The following RANBP2 variants were observed in gnomAD, a reference collection of about 807,000 sequenced individuals.
RANBP2 encodes the protein RAN binding protein 2.
A neutral mutation model predicts 303.6 loss-of-function variants in RANBP2; 57 were observed. The ratio of observed to expected loss-of-function variants is 0.19; its 90% CI spans 0.15 to 0.23. The LOEUF is 0.23. Among genes scored for constraint, RANBP2 ranks in the 10% least tolerant of loss-of-function variants. RANBP2 has a pLI of 1.00. For synonymous variants in RANBP2, 1,167 were observed against 1,301.5 expected, an observed-to-expected ratio of 0.90 and a Z score of 2.23; for missense variants, 3,138 against 3,780.8, an observed-to-expected ratio of 0.83 and a Z score of 4.46.
At chr2:108,937,868 C>T in the RANBP2 span, among the ~76,000 whole-genome samples, 8 of 152,278 alleles carry the variant, frequency 5.3e-5, no homozygotes, top group East Asian at 1.2e-3. Flanking sequence ...CCTGAGCCCT[C>T]GGGTGGGGCC....
the RANBP2 span, among the ~76,000 whole-genome samples, chr2:109,397,582 A>G: frequency 1.3e-5 from 2 of 152,194 alleles, no homozygotes; most frequent in Non-Finnish European, 2.9e-5. Context: ...TCCTCCAGGT[A>G]TAGGATCAGG....
At chr2:109,522,644 A>G in the RANBP2 span, among the ~76,000 whole-genome samples, 2 of 151,082 alleles carry the variant, frequency 1.3e-5, no homozygotes, top group Admixed American at 1.3e-4. Flanking sequence ...GAGCTCAAGC[A>G]ATCCTCCCGC....
the RANBP2 span, among the ~76,000 whole-genome samples, chr2:109,350,052 T>A: frequency 2.6e-5 from 4 of 152,150 alleles, no homozygotes; most frequent in African/African-American, 9.7e-5. Flanking sequence ...CTGCATCGGA[T>A]CACCAGGGGC....
chr2:108,883,803 C>G, the RANBP2 span: 2 of 152,280 alleles, frequency 1.3e-5, no homozygotes, highest in African/African-American at 4.8e-5. Context: ...TTCCCTAAAC[C>G]TCACTCCTCT....
chr2:109,508,711 T>G, the RANBP2 span, among the ~76,000 whole-genome samples: 2 of 151,834 alleles, frequency 1.3e-5, no homozygotes, highest in African/African-American at 4.8e-5. Context: ...CACCCCTCGA[T>G]GGCCTGGCTT....
chr2:109,216,311 C>T, the RANBP2 span, among the ~76,000 whole-genome samples: 1,114 of 152,344 alleles, frequency 7.3e-3, 10 homozygotes, highest in South Asian at 0.024. Context: ...AAATAGCATT[C>T]TCAGCTTAGT....
chr2:108,838,469 A>G, the RANBP2 span, among the ~76,000 whole-genome samples: 1 of 152,310 alleles, frequency 6.6e-6, no homozygotes, highest in South Asian at 2.1e-4. Flanking sequence ...AGCAATAAAT[A>G]TCTTTGTACA....
At chr2:109,353,338 C>T in the RANBP2 span, among the ~76,000 whole-genome samples, 4 of 152,258 alleles carry the variant, frequency 2.6e-5, no homozygotes, top group South Asian at 2.1e-4. Context: ...GCTCGACCCT[C>T]GTCCTCAGCA....
At chr2:109,740,233 T>G in the RANBP2 span, among the ~76,000 whole-genome samples, 30 of 151,944 alleles carry the variant, frequency 2.0e-4, no homozygotes, top group African/African-American at 7.3e-4. Flanking sequence ...ATGATCCGCC[T>G]GCCTCGGCCT....
the RANBP2 span, among the ~76,000 whole-genome samples, chr2:109,696,795 T>G: frequency 6.6e-6 from 1 of 152,172 alleles, no homozygotes; most frequent in African/African-American, 2.4e-5. Flanking sequence ...TCTTTTTTTT[T>G]GAGACAGGGT....
chr2:109,541,816 T>TG, the RANBP2 span, among the ~76,000 whole-genome samples: 8 of 152,230 alleles, frequency 5.3e-5, no homozygotes, highest in African/African-American at 1.9e-4. Flanking sequence ...GAGAGTGCCC[T>TG]GCTCCAAACC....
At chr2:109,123,962 A>G in the RANBP2 span, among the ~76,000 whole-genome samples, 2 of 151,870 alleles carry the variant, frequency 1.3e-5, no homozygotes, top group Non-Finnish European at 2.9e-5. Flanking sequence ...CTCTACTCCT[A>G]TGCTATTTTC....
the RANBP2 span, among the ~76,000 whole-genome samples, chr2:109,004,882 T>C: frequency 1.3e-5 from 2 of 152,148 alleles, no homozygotes; most frequent in African/African-American, 4.8e-5. Context: ...ATTCCCTCCC[T>C]CTCCTAATTA....
At chr2:109,009,915 G>T in the RANBP2 span, among the ~76,000 whole-genome samples, 1 of 151,980 alleles carries the variant, frequency 6.6e-6, no homozygotes, top group Non-Finnish European at 1.5e-5. Flanking sequence ...ATGCAACTTT[G>T]TGTGCTGCCC....
At chr2:108,781,871 C>T (rs1678278141) in intron 26 of RANBP2, among the ~76,000 whole-genome samples, 1 of 151,972 alleles carries the variant, frequency 6.6e-6, no homozygotes. Context: ...ACCTCTCTGT[C>T]CTATAAAGAA....
intron 1 of RANBP2, 22 bp downstream of exon 1, chr2:108,719,700 C>G (rs757820187): frequency 1.9e-6 from 3 of 1,580,900 alleles, no homozygotes; most frequent in Non-Finnish European, 2.6e-6. Context: ...TCGAAGAGAC[C>G]GACGGCCTCG....
At chr2:109,325,071 G>A in the RANBP2 span, among the ~76,000 whole-genome samples, 3 of 152,112 alleles carry the variant, frequency 2.0e-5, no homozygotes, top group Non-Finnish European at 2.9e-5. Flanking sequence ...TTTCCTAGAG[G>A]CTAGAAGGGA....
the RANBP2 span, among the ~76,000 whole-genome samples, chr2:108,888,764 T>C: frequency 6.6e-6 from 1 of 152,010 alleles, no homozygotes; most frequent in Non-Finnish European, 1.5e-5. Context: ...TTTTTCATGT[T>C]GTTGAGTCTT....
At chr2:108,748,684 A>T (rs1442324813) in intron 8 of RANBP2, among the ~76,000 whole-genome samples, 1 of 152,072 alleles carries the variant, frequency 6.6e-6, no homozygotes, top group Non-Finnish European at 1.5e-5. Context: ...TTTCATACAC[A>T]TTCCTGTCTT....
Sources: allele counts gnomAD v4.1 joint callset (sites outside exome capture counted in the v4.1 genomes callset), GRCh38; gene constraint gnomAD v4.1.1; transcripts MANE v1.5; gene names NCBI Gene and HGNC (gene_info 2026-07-23, HGNC 2026-07-21).